Variants in GLB1L2 observed in about 807,000 individuals in gnomAD.
The protein encoded by GLB1L2 is galactosidase beta 1 like 2, also known as beta-galactosidase-1-like protein 2.
Under a neutral mutation model 84.1 loss-of-function variants are expected in GLB1L2, and 68 were observed. That is an observed-to-expected ratio of 0.81 (90% confidence interval 0.67 to 0.99). GLB1L2 has a LOEUF of 0.99. GLB1L2 is among the 50% of genes least tolerant of loss of function. The pLI is 0.00. For synonymous variants in GLB1L2, 290 were observed against 318.0 expected, an observed-to-expected ratio of 0.91 and a Z score of 0.94; for missense variants, 762 against 805.6, an observed-to-expected ratio of 0.95 and a Z score of 0.66.
chr11:134,336,876 A>G (rs1943395450), intron 1 of GLB1L2, among the ~76,000 whole-genome samples: 1 of 152,242 alleles, frequency 6.6e-6, no homozygotes. Flanking sequence ...GTTATCTAAC[A>G]GAGCTTTCTC....
At chr11:134,332,943 T>C (rs970575377) in intron 1 of GLB1L2, among the ~76,000 whole-genome samples, 1 of 152,168 alleles carries the variant, frequency 6.6e-6, no homozygotes, top group Non-Finnish European at 1.5e-5. Context: ...ATTCAAAACC[T>C]CCAGTGGGAA....
intron 5 of GLB1L2, among the ~76,000 whole-genome samples, chr11:134,352,909 A>G (rs1943652887): frequency 6.6e-6 from 1 of 151,986 alleles, no homozygotes; most frequent in Non-Finnish European, 1.5e-5. Context: ...TGGCCTCCCA[A>G]AGTGCTGGGA....
In GLB1L2 at chr11:134,367,206, CT is replaced by C. The variant is rs202191819; in HGVS notation, c.805-45del. On this transcript the variant is annotated intron_variant, in intron 8 of 18. Coordinates refer to ENST00000535456, the MANE Select transcript of GLB1L2 (RefSeq NM_001370461.1). ...GCTCCCCTCCATGAAGAGCTTCCCTCTTTTTTGTCTGGCCAGCCTGCTTGTC... is the reference window on the plus strand; with the variant it reads ...GCTCCCCTCCATGAAGAGCTTCCCTCTTTTTGTCTGGCCAGCCTGCTTGTC... 3.7e-3 allele frequency: 5,542 copies of C among 1,503,464 alleles called. 149 individuals carry two copies. In the African/African-American group the frequency reaches 0.063, roughly 17 times the overall value. 93.1% of individuals were successfully genotyped at this position (1,503,464 alleles called of 1,614,324 possible).
chr11:134,361,166 A>C (rs1279374120), intron 7 of GLB1L2: 1 of 150,990 alleles, frequency 6.6e-6, no homozygotes, highest in East Asian at 1.9e-4. Flanking sequence ...AAAAACAAAA[A>C]ACAAAAAACA....
intron 1 of GLB1L2, among the ~76,000 whole-genome samples, chr11:134,340,533 G>C (rs1943448128): frequency 6.6e-6 from 1 of 152,178 alleles, no homozygotes. Flanking sequence ...GGCCTGAGCA[G>C]TTGTGAGCCT....
intron 5 of GLB1L2, among the ~76,000 whole-genome samples, chr11:134,351,086 G>A (rs78782546): frequency 5.9e-5 from 9 of 152,182 alleles, no homozygotes; most frequent in Non-Finnish European, 1.2e-4. Context: ...CTGAAAGCAC[G>A]AATGCTTGGT....
rs780716250 is a variant in GLB1L2, at chr11:134,373,720, G to A, written c.1508-1G>A. On this transcript the variant is annotated splice_acceptor_variant, in intron 15 of 18. Transcript: ENST00000535456. LOFTEE classifies it high-confidence loss of function. ...CCACGTGTCCTGCCTCCCTCCCACA[G>A]GCTTAATTGGAAATCTCTATCTGAA... 1 of 1,607,986 alleles carries A rather than the reference G, an allele frequency of 6.2e-7. No homozygotes were observed. Among genetic ancestry groups the A allele is most frequent in the Non-Finnish European group, 8.5e-7 (1 of 1,175,156 alleles).
chr11:134,348,252 A>G (rs1365086658), intron 5 of GLB1L2, among the ~76,000 whole-genome samples: 1 of 152,230 alleles, frequency 6.6e-6, no homozygotes, highest in Non-Finnish European at 1.5e-5. Flanking sequence ...TAGTGTAAAT[A>G]TATTCCAAAT....
chr11:134,353,883 A>T (rs917000046), intron 5 of GLB1L2, among the ~76,000 whole-genome samples: 2 of 152,192 alleles, frequency 1.3e-5, no homozygotes, highest in African/African-American at 4.8e-5. Flanking sequence ...TTTGCATAAA[A>T]TATCTTTTTC....
chr11:134,332,773 A>C (rs1253200486), intron 1 of GLB1L2, among the ~76,000 whole-genome samples: 1 of 152,060 alleles, frequency 6.6e-6, no homozygotes, highest in Non-Finnish European at 1.5e-5. Context: ...CCCCTTTTCC[A>C]AATGTTGTTT....
At position 134,375,099 on chromosome 11, in the gene GLB1L2, C is replaced by T. The variant is rs367990267; in HGVS notation, c.*41C>T. 130 of 1,543,456 alleles carry T rather than the reference C, an allele frequency of 8.4e-5. No homozygotes were observed. The highest frequency in any genetic ancestry group is 1.1e-4 in the Non-Finnish European group (121 of 1,121,836). On this transcript the variant is annotated 3_prime_UTR_variant, in exon 19 of 19. Coordinates refer to ENST00000535456, the MANE Select transcript of GLB1L2 (RefSeq NM_001370461.1). ...CCTGCTGGTGCCAGTGGGAGACTGC[C>T]GCCTCCTCTTGACCTGAAGCCTGGT...
intron 6 of GLB1L2, among the ~76,000 whole-genome samples, chr11:134,358,534 G>C (rs1943737616): frequency 6.6e-6 from 1 of 152,274 alleles, no homozygotes; most frequent in South Asian, 2.1e-4. Context: ...GCTGTTCTGG[G>C]CATGGGCAGT....
intron 1 of GLB1L2, among the ~76,000 whole-genome samples, chr11:134,335,121 G>A (rs779585304): frequency 3.3e-5 from 5 of 152,072 alleles, no homozygotes; most frequent in African/African-American, 4.8e-5. Flanking sequence ...GCCCTGCCCT[G>A]CTGTTTTCTT....
chr11:134,342,027 C>T (rs1399181485), intron 1 of GLB1L2, among the ~76,000 whole-genome samples: 2 of 152,076 alleles, frequency 1.3e-5, no homozygotes, highest in Non-Finnish European at 2.9e-5. Flanking sequence ...CCTGACCTTC[C>T]TGACTTGAAA....
rs1056611676 is a variant in GLB1L2 at position 134,344,883 on chromosome 11, G to A, written c.354-151G>A. 1.1e-4 allele frequency: 97 copies of A among 897,334 alleles called. No homozygotes were observed. In the South Asian group the frequency reaches 1.2e-3, roughly 11 times the overall value. The allele number at this position is 897,334 out of a possible 1,614,324, so 55.6% of individuals were successfully genotyped here. ...GAGGCTGGGAGCAGCTCAGGCCACCGACCTGGTGTGGGAGTCCCCGCGCTT... is the reference window on the plus strand; with the variant it reads ...GAGGCTGGGAGCAGCTCAGGCCACCAACCTGGTGTGGGAGTCCCCGCGCTT... On this transcript the variant is annotated intron_variant, in intron 3 of 18. Coordinates refer to ENST00000535456, the MANE Select transcript of GLB1L2 (RefSeq NM_001370461.1).
chr11:134,354,189 C>A (rs1484680919), intron 5 of GLB1L2, among the ~76,000 whole-genome samples: 1 of 151,938 alleles, frequency 6.6e-6, no homozygotes, highest in Non-Finnish European at 1.5e-5. Flanking sequence ...ATTCCCTTTA[C>A]CTTGGGATAA....
chr11:134,375,056 T>A lies in GLB1L2; in HGVS notation c.1909T>A (p.Ter637ArgextTer163). 6.2e-7 allele frequency: 1 copy of A among 1,612,880 alleles called. No individual in the cohort carries two copies. Among genetic ancestry groups the A allele is most frequent in the Non-Finnish European group, 8.5e-7 (1 of 1,179,484 alleles). Reference protein sequence around the residue: ...PHLGRNQYIK* With the variant: ...PHLGRNQYIKR The stretch of plus-strand genomic sequence containing the variant: ...CCTGGGCAGGAACCAGTACATTAAG[T>A]GAGCGGTGGCACCCCCTCCTGCTGG... Residue 637 changes from the stop codon to arginine (R), a stop_lost, in exon 19 of 19, where the codon TGA becomes AGA. Coordinates refer to ENST00000535456, the MANE Select transcript of GLB1L2 (RefSeq NM_001370461.1).
At chr11:134,357,289 G>C (rs1362922920) in intron 6 of GLB1L2, among the ~76,000 whole-genome samples, 1 of 152,240 alleles carries the variant, frequency 6.6e-6, no homozygotes, top group African/African-American at 2.4e-5. Flanking sequence ...CCTCCACGTG[G>C]GAGACCGAGG....
intron 18 of GLB1L2, 73 bp downstream of exon 18, chr11:134,374,791 G>C (rs1390223915): frequency 7.6e-7 from 1 of 1,308,296 alleles, no homozygotes; most frequent in Non-Finnish European, 1.1e-6. Flanking sequence ...CCTTCGGTCA[G>C]GGTGGAGGGG....
Sources: allele counts gnomAD v4.1 joint callset (sites outside exome capture counted in the v4.1 genomes callset), GRCh38; gene constraint gnomAD v4.1.1; transcripts MANE v1.5; gene names NCBI Gene and HGNC (gene_info 2026-07-23, HGNC 2026-07-21).